The following HSD17B12 variants were observed in gnomAD, a reference collection of about 807,000 sequenced individuals.
The protein encoded by HSD17B12 is hydroxysteroid 17-beta dehydrogenase 12, also known as very-long-chain 3-oxoacyl-CoA reductase.
A neutral mutation model predicts 39.3 loss-of-function variants in HSD17B12; 32 were observed. The ratio of observed to expected loss-of-function variants is 0.81; its 90% CI spans 0.61 to 1.09. The LOEUF (loss-of-function observed/expected upper bound fraction) is 1.09, where lower values mean the gene tolerates loss of function less well. Among genes scored for constraint, HSD17B12 ranks in the 50% least tolerant of loss-of-function variants. The pLI is 0.00. For missense variants in HSD17B12, 342 were observed against 382.9 expected, an observed-to-expected ratio of 0.89 and a Z score of 0.89; for synonymous variants, 150 against 146.7, an observed-to-expected ratio of 1.02 and a Z score of -0.16.
At chr11:43,668,824 G>A in the HSD17B12 span, among the ~76,000 whole-genome samples, 5 of 151,784 alleles carry the variant, frequency 3.3e-5, no homozygotes, top group Admixed American at 2.6e-4. Flanking sequence ...ACACTGGGAC[G>A]ACCAGTGTGT....
the HSD17B12 span, among the ~76,000 whole-genome samples, chr11:43,665,465 C>T: frequency 8.5e-5 from 13 of 152,218 alleles, no homozygotes; most frequent in East Asian, 3.9e-4. Flanking sequence ...GTGATCTTCC[C>T]GTCTCAGCCT....
chr11:43,698,449 T>G (rs988134500), intron 1 of HSD17B12, among the ~76,000 whole-genome samples: 4 of 152,222 alleles, frequency 2.6e-5, no homozygotes, highest in African/African-American at 9.6e-5. Flanking sequence ...GAAAATGTTA[T>G]TTTTTAATAA....
chr11:43,836,546 T>C (rs1951372422), intron 7 of HSD17B12, among the ~76,000 whole-genome samples: 1 of 152,120 alleles, frequency 6.6e-6, no homozygotes, highest in Non-Finnish European at 1.5e-5. Context: ...TACTGAACAA[T>C]CTACCCATTA....
the HSD17B12 span, among the ~76,000 whole-genome samples, chr11:43,577,442 A>C: frequency 6.6e-6 from 1 of 152,222 alleles, no homozygotes; most frequent in African/African-American, 2.4e-5. Context: ...ATGGAAGGCC[A>C]GTGGCTCACC....
chr11:43,568,083 T>C, the HSD17B12 span, among the ~76,000 whole-genome samples: 1 of 152,130 alleles, frequency 6.6e-6, no homozygotes, highest in Non-Finnish European at 1.5e-5. Context: ...TGTTTTTTTA[T>C]TCTTTTAATT....
At chr11:43,682,439 G>A (rs758845154) in intron 1 of HSD17B12, among the ~76,000 whole-genome samples, 24 of 151,678 alleles carry the variant, frequency 1.6e-4, no homozygotes, top group Non-Finnish European at 3.5e-4. Flanking sequence ...TAGTCCCAGA[G>A]GCTGAGGCAA....
chr11:43,581,339 G>A, the HSD17B12 span: 1 of 474,856 alleles, frequency 2.1e-6, no homozygotes, highest in Non-Finnish European at 4.4e-6. This position sits in a 1 kb window ranked among gnomAD's most constrained non-coding sequence, Gnocchi z 4.9. Flanking sequence ...CGGCTCCAGG[G>A]TTCGGAGACA....
chr11:43,689,069 T>A (rs1219888750), intron 1 of HSD17B12, among the ~76,000 whole-genome samples: 1 of 152,196 alleles, frequency 6.6e-6, no homozygotes, highest in Non-Finnish European at 1.5e-5. Flanking sequence ...AGATGACTAG[T>A]GCTACTGCAG....
At chr11:43,734,641 GC>G (rs1164602774) in intron 1 of HSD17B12, 4 of 284,914 alleles carry the variant, frequency 1.4e-5, no homozygotes, top group Non-Finnish European at 1.4e-5. Context: ...CCTTCCTTCT[GC>G]CCCCACCCCA....
the HSD17B12 span, among the ~76,000 whole-genome samples, chr11:43,628,724 T>C: frequency 1.3e-5 from 2 of 151,992 alleles, no homozygotes; most frequent in Non-Finnish European, 2.9e-5. Context: ...AAACATAACA[T>C]TGTATATGCC....
Position 43,854,761 on chromosome 11 carries a change from A to T in HSD17B12, c.731A>T (p.Lys244Met). ...FVATKLAKIRKPTLDKPSPET... is the reference protein window; with the variant it reads ...FVATKLAKIRMPTLDKPSPET... ...GCTACAAAACTGGCTAAAATCCGGA[A>T]GCCAACTTTGGATAAGCCCTCTCCG... Residue 244 changes from lysine (K) to methionine (M), a missense_variant, in exon 10 of 11, where the codon AAG becomes ATG. Lys to Met is a moderately conservative substitution (Grantham distance 95, BLOSUM62 -1). Coordinates refer to ENST00000278353, the MANE Select transcript of HSD17B12 (RefSeq NM_016142.3). 1 of 1,614,186 alleles carries T rather than the reference A, an allele frequency of 6.2e-7. No individual in the cohort carries two copies. The highest frequency in any genetic ancestry group is 8.5e-7 in the Non-Finnish European group (1 of 1,180,036).
chr11:43,741,308 T>C (rs1406154455), intron 1 of HSD17B12, among the ~76,000 whole-genome samples: 3 of 152,172 alleles, frequency 2.0e-5, no homozygotes, highest in African/African-American at 7.2e-5. Flanking sequence ...TAAATTTTAG[T>C]TAAGAAAAAA....
chr11:43,781,500 A>G lies in HSD17B12; in HGVS notation c.284-16820A>G, dbSNP rs542905606. Among the ~76,000 whole-genome samples the G allele has an allele frequency of 2.0e-5, 3 of 152,314 alleles. No individual in the cohort carries two copies. In the South Asian group the frequency reaches 6.2e-4, roughly 32 times the overall value. On this transcript the variant is annotated intron_variant, in intron 3 of 10. Coordinates refer to ENST00000278353, the MANE Select transcript of HSD17B12 (RefSeq NM_016142.3). ...CTGTTTGTAGATAACATGTAGATAC[A>G]CATCAAAAAAGATCTGCAAGATAAC... is the stretch of plus-strand genomic sequence containing the variant.
chr11:43,723,783 G>A (rs1950196534), intron 1 of HSD17B12, among the ~76,000 whole-genome samples: 1 of 152,158 alleles, frequency 6.6e-6, no homozygotes, highest in South Asian at 2.1e-4. Flanking sequence ...GCAGCGCAGT[G>A]GTTTATTTTT....
intron 1 of HSD17B12, among the ~76,000 whole-genome samples, chr11:43,690,404 A>ATT (rs1206545700): frequency 0.025 from 636 of 24,954 alleles, 88 homozygotes; most frequent in Non-Finnish European, 0.034. Flanking sequence ...ATATATATAT[A>ATT]TTTTTTTTTT....
At chr11:43,558,578 C>A in the HSD17B12 span, among the ~76,000 whole-genome samples, 5 of 152,184 alleles carry the variant, frequency 3.3e-5, no homozygotes, top group African/African-American at 7.2e-5. Flanking sequence ...GGAGGGAATA[C>A]CCCCTCCTCC....
At chr11:43,764,761 G>A (rs1950581025) in intron 3 of HSD17B12, among the ~76,000 whole-genome samples, 2 of 152,034 alleles carry the variant, frequency 1.3e-5, no homozygotes, top group South Asian at 4.1e-4. Context: ...ATTAGTGTTA[G>A]CATGGCATTT....
the HSD17B12 span, among the ~76,000 whole-genome samples, chr11:43,637,053 A>C: frequency 6.6e-6 from 1 of 152,140 alleles, no homozygotes; most frequent in African/African-American, 2.4e-5. Context: ...TTTCTTGTCT[A>C]TAAAATGAGG....
At chr11:43,741,734 C>CTTTTTTTTTT (rs534584200) in intron 1 of HSD17B12, among the ~76,000 whole-genome samples, 1 of 130,498 alleles carries the variant, frequency 7.7e-6, no homozygotes, top group Non-Finnish European at 1.7e-5. Flanking sequence ...TTTTCTTTTT[C>CTTTTTTTTTT]TTTTTTTTTT....
Sources: gnomAD v4.1 joint callset for allele counts (sites outside exome capture counted in the v4.1 genomes callset) on GRCh38, gnomAD v4.1.1 for gene constraint, Gnocchi (gnomAD v3.1) non-coding constraint, MANE v1.5 for transcripts, NCBI Gene and HGNC (gene_info 2026-07-23, HGNC 2026-07-21) for gene names.